Variants in TMPRSS11A observed in about 807,000 individuals in gnomAD.
TMPRSS11A encodes the protein transmembrane serine protease 11A, also known as transmembrane protease serine 11A.
In TMPRSS11A, 53 loss-of-function variants were observed where a neutral mutation model predicts 58.9. That is an observed-to-expected ratio of 0.90 (90% CI 0.72 to 1.13). The LOEUF is 1.13. Ranked by LOEUF, TMPRSS11A falls within the 50% of genes most tolerant of loss-of-function variation. The pLI is 0.00. For missense variants in TMPRSS11A, 493 were observed against 499.3 expected (o/e 0.99, Z 0.12); for synonymous variants, 167 against 169.8 (o/e 0.98, Z 0.13).
chr4:67,919,674 C>A (rs2109737850), intron 7 of TMPRSS11A, among the ~76,000 whole-genome samples: 1 of 152,156 alleles, frequency 6.6e-6, no homozygotes, highest in South Asian at 2.1e-4. Flanking sequence ...AGGCTATGAA[C>A]AAAATAAAAT....
chr4:67,926,396 G>A (rs1720467666), intron 5 of TMPRSS11A, among the ~76,000 whole-genome samples: 2 of 152,324 alleles, frequency 1.3e-5, no homozygotes, highest in South Asian at 2.1e-4. Flanking sequence ...AAAAATTGAC[G>A]TAAAGATTTT....
At chr4:67,920,161 G>A (rs1720280565) in intron 7 of TMPRSS11A, among the ~76,000 whole-genome samples, 1 of 152,036 alleles carries the variant, frequency 6.6e-6, no homozygotes, top group Non-Finnish European at 1.5e-5. Context: ...GTGGATTATG[G>A]TACATACAGG....
intron 1 of TMPRSS11A, among the ~76,000 whole-genome samples, chr4:67,947,164 T>C (rs1398890362): frequency 6.6e-6 from 1 of 152,164 alleles, no homozygotes; most frequent in Admixed American, 6.5e-5. Flanking sequence ...CAAATCATTA[T>C]TATAGACAAT....
chr4:67,950,156 C>T (rs1038183044), intron 1 of TMPRSS11A, among the ~76,000 whole-genome samples: 1 of 152,176 alleles, frequency 6.6e-6, no homozygotes, highest in African/African-American at 2.4e-5. Context: ...GCTTTCTGCT[C>T]AGGATCTCAC....
intron 1 of TMPRSS11A, among the ~76,000 whole-genome samples, chr4:67,955,766 T>C (rs1167203095): frequency 6.6e-6 from 1 of 152,170 alleles, no homozygotes; most frequent in Non-Finnish European, 1.5e-5. Flanking sequence ...TAAGACATGG[T>C]TTCTCTACCC....
At chr4:67,916,472 TACACACACACACACACAC>T (rs34678013) in intron 8 of TMPRSS11A, among the ~76,000 whole-genome samples, 5 of 150,094 alleles carry the variant, frequency 3.3e-5, no homozygotes, top group Non-Finnish European at 7.4e-5. Context: ...ATATATATTA[TACACACACACACACACAC>T]ACACACACAC....
At position 67,922,877 on chromosome 4, in the gene TMPRSS11A, T is replaced by G. The variant is rs1019133934; in HGVS notation, c.570A>C (p.Gly190=). The change falls in exon 7 of 10, where the codon GGA becomes GGC. Residue 190 remains glycine, a synonymous_variant. Transcript: ENST00000508048. ...VPLNVNRIAS[G]VIAPKAAWPW... is the part of the protein sequence containing the mutation. ...GCCAGGCCGCCTTGGGTGCAATGAC[T>G]CCAGATGCTATTCTGTTGACGTTTA... 1.2e-6 allele frequency: 2 copies of G among 1,614,000 alleles called. No individual in the cohort carries two copies. Among genetic ancestry groups the G allele is most frequent in the Middle Eastern group, 1.6e-4 (1 of 6,084 alleles).
intron 3 of TMPRSS11A, among the ~76,000 whole-genome samples, chr4:67,935,838 T>C (rs1720738932): frequency 6.6e-6 from 1 of 152,212 alleles, no homozygotes; most frequent in South Asian, 2.1e-4. Flanking sequence ...AAGAGATTTT[T>C]TTTTCCTGTT....
chr4:67,946,565 C>G lies in TMPRSS11A; in HGVS notation c.18G>C (p.Val6=), dbSNP rs11930532. MMYRT[V]GFGTRSRNLK... ...GATTTCTGCTTCGGGTGCCAAATCC[C>G]ACTGTCCTGAGAAAAGGAAGGGCCC... Residue 6 remains valine (V), a synonymous_variant, in exon 2 of 10, where the codon GTG becomes GTC. Coordinates refer to ENST00000508048, the MANE Select transcript of TMPRSS11A (RefSeq NM_001114387.2). 1 of 1,610,044 alleles carries G rather than the reference C, an allele frequency of 6.2e-7. No homozygotes were observed. The highest frequency in any genetic ancestry group is 8.5e-7 in the Non-Finnish European group (1 of 1,178,270).
rs1719917563 is a variant in TMPRSS11A, at chr4:67,909,722, CACTT to C, written c.*1616_*1619del. 6.6e-6 allele frequency: 1 copy of C among 152,056 alleles called. No individual in the cohort carries two copies. The highest frequency in any genetic ancestry group is 2.4e-5 in the African/African-American group (1 of 41,424). The allele number at this position is 152,056 out of a possible 1,614,324, so 9.4% of individuals were successfully genotyped here. ...ATCTTAATACAGGTTCAATAGCTCTCACTTAAAATTTTACAGATCTGATGATTCA... is the reference window on the plus strand; with the variant it reads ...ATCTTAATACAGGTTCAATAGCTCTCAAAATTTTACAGATCTGATGATTCA... On this transcript the variant is annotated 3_prime_UTR_variant, in exon 10 of 10. Coordinates refer to ENST00000508048, the MANE Select transcript of TMPRSS11A (RefSeq NM_001114387.2).
chr4:67,946,622 G>A (rs1353365583), intron 1 of TMPRSS11A, 51 bp from the exon 2 acceptor site: 1 of 1,565,860 alleles, frequency 6.4e-7, no homozygotes, highest in Non-Finnish European at 8.6e-7. Flanking sequence ...ATGCTTGCAG[G>A]TTTTCCAGCT....
chr4:67,960,845 A>T lies in TMPRSS11A; in HGVS notation c.11+2538T>A, dbSNP rs1415138413. ...GGTGATGAGGAAGAGGAGAATTCTG[A>T]TTTTTTGCATTTATTAAACAATGCT... On this transcript the variant is annotated intron_variant, in intron 1 of 9. Transcript: ENST00000508048. 2.0e-5 allele frequency among the ~76,000 whole-genome samples: 3 copies of T among 152,186 alleles called. No homozygotes were observed. In the East Asian group the frequency reaches 5.8e-4, roughly 29 times the overall value.
At chr4:67,962,840 C>T (rs963320403) in intron 1 of TMPRSS11A, among the ~76,000 whole-genome samples, 1 of 152,144 alleles carries the variant, frequency 6.6e-6, no homozygotes, top group African/African-American at 2.4e-5. Flanking sequence ...AGAGAATAGG[C>T]ATGTTTTCCC....
chr4:67,949,505 G>T (rs1721106769), intron 1 of TMPRSS11A, among the ~76,000 whole-genome samples: 1 of 152,156 alleles, frequency 6.6e-6, no homozygotes, highest in Non-Finnish European at 1.5e-5. Flanking sequence ...AATCCTATAT[G>T]AATAAATCTT....
chr4:67,913,395 T>C (rs1720041686), intron 9 of TMPRSS11A, among the ~76,000 whole-genome samples: 1 of 152,180 alleles, frequency 6.6e-6, no homozygotes, highest in Non-Finnish European at 1.5e-5. Context: ...TGTATTCCTG[T>C]CTTGGATCCT....
At chr4:67,916,543 G>T (rs547060860) in intron 8 of TMPRSS11A, among the ~76,000 whole-genome samples, 2 of 151,750 alleles carry the variant, frequency 1.3e-5, no homozygotes, top group South Asian at 4.2e-4. Context: ...AAACATTCAT[G>T]GCCTGGCGCG....
chr4:67,913,815 T>C (rs757822753), intron 9 of TMPRSS11A, among the ~76,000 whole-genome samples: 2 of 152,246 alleles, frequency 1.3e-5, no homozygotes, highest in African/African-American at 4.8e-5. Context: ...GACAGGACTT[T>C]CTGCCACCTG....
At chr4:67,923,759 C>T (rs2109742101) in intron 6 of TMPRSS11A, among the ~76,000 whole-genome samples, 1 of 152,344 alleles carries the variant, frequency 6.6e-6, no homozygotes, top group East Asian at 1.9e-4. Context: ...ATTTCACAGA[C>T]AAATTGTCAG....
Position 67,946,489 on chromosome 4 carries a change from C to A in TMPRSS11A, c.94G>T (p.Ala32Ser), listed in dbSNP as rs1276272310. 4 of 1,609,734 alleles carry A rather than the reference C, an allele frequency of 2.5e-6. No individual in the cohort carries two copies. The highest frequency in any genetic ancestry group is 3.4e-6 in the Non-Finnish European group (4 of 1,177,978). The change falls in exon 2 of 10, where the codon GCA (alanine) becomes TCA (serine). Residue 32 changes from alanine to serine, a missense_variant. Ala to Ser is a moderately conservative substitution (Grantham distance 99, BLOSUM62 1). Transcript: ENST00000508048. ...TGAACCAGGAGACCTATGGTCACTG[C>A]CACCACTGTCAGGGACAACACAATG... ...VLIVLSLTVV[A>S]VTIGLLVHFL...
Sources: gnomAD v4.1 joint callset for allele counts (sites outside exome capture counted in the v4.1 genomes callset) on GRCh38, gnomAD v4.1.1 for gene constraint, MANE v1.5 for transcripts, NCBI Gene and HGNC (gene_info 2026-07-23, HGNC 2026-07-21) for gene names.